The following CPAMD8 variants were observed in gnomAD, a reference collection of about 807,000 sequenced individuals.
CPAMD8 encodes the protein C3 and PZP-like alpha-2-macroglobulin domain-containing protein 8.
CPAMD8 carries 146 observed loss-of-function variants against 224.7 expected under a neutral mutation model. That is an observed-to-expected ratio of 0.65 (90% CI 0.57 to 0.75). CPAMD8 has a LOEUF of 0.75. CPAMD8 is among the 30% of genes least tolerant of loss of function. CPAMD8 has a pLI of 0.00. For missense variants in CPAMD8, 2,301 were observed against 2,537.5 expected (o/e 0.91, Z 2.00); for synonymous variants, 966 against 1,044.6 (o/e 0.92, Z 1.45).
chr19:16,935,185 C>T (rs749763357), intron 23 of CPAMD8, among the ~76,000 whole-genome samples: 1 of 152,200 alleles, frequency 6.6e-6, no homozygotes, highest in Non-Finnish European at 1.5e-5. Flanking sequence ...GTTTCCCCCT[C>T]TCCCCATGGT....
intron 12 of CPAMD8, 48 bp from the exon 13 acceptor site, chr19:16,989,819 A>C (rs2055876630): frequency 1.3e-6 from 2 of 1,591,552 alleles, no homozygotes; most frequent in African/African-American, 1.3e-5. Context: ...CAAGAGCAGA[A>C]AGGGGGTCTT....
In CPAMD8 at chr19:16,899,549, G is replaced by A; in HGVS notation, c.4774C>T (p.Leu1592=). 6.6e-7 allele frequency: 1 copy of A among 1,507,302 alleles called. No individual in the cohort carries two copies. The highest frequency in any genetic ancestry group is 2.3e-5 in the East Asian group (1 of 44,378). The allele number at this position is 1,507,302 out of a possible 1,614,324, so 93.4% of individuals were successfully genotyped here. The part of the protein sequence containing the change: ...FRADIESLEQ[L]LLDKHMGMKR... ...ATCCCCATGTGCTTGTCAAGGAGCAGCTGCAGAGGAAGCCAGAAGTCAGGG... is the reference window on the plus strand; with the variant it reads ...ATCCCCATGTGCTTGTCAAGGAGCAACTGCAGAGGAAGCCAGAAGTCAGGG... Residue 1592 remains leucine, a splice_region_variant and synonymous_variant, in exon 37 of 42, where the codon CTG becomes TTG. Transcript: ENST00000443236. This position sits in a 1 kb window ranked among gnomAD's most constrained non-coding sequence, Gnocchi z 5.4.
chr19:16,982,963 T>C (rs1312219319), intron 13 of CPAMD8, among the ~76,000 whole-genome samples: 1 of 152,090 alleles, frequency 6.6e-6, no homozygotes, highest in Non-Finnish European at 1.5e-5. Flanking sequence ...AGAGAATGAG[T>C]CTCGTGAGAT....
chr19:16,904,302 T>A lies in CPAMD8; in HGVS notation c.4175A>T (p.Asp1392Val). 1 of 1,613,562 alleles carries A rather than the reference T, an allele frequency of 6.2e-7. No individual in the cohort carries two copies. The highest frequency in any genetic ancestry group is 8.5e-7 in the Non-Finnish European group (1 of 1,179,984). Reference protein sequence around the residue: ...YALLTYTLLGDVAAALPVVKW... With the variant: ...YALLTYTLLGVVAAALPVVKW... ...CACCACAGGCAGGGCGGCAGCCACG[T>A]CACCCAGCAGAGTGTAGGTCAGAAG... The change falls in exon 32 of 42, where the codon GAC becomes GTC. Residue 1392 changes from aspartate (D) to valine (V), a missense_variant. By Grantham distance (152) the Asp-to-Val change is radical (BLOSUM62 -3). Coordinates refer to ENST00000443236, the MANE Select transcript of CPAMD8 (RefSeq NM_015692.5).
chr19:16,946,548 T>C (rs189491091), intron 21 of CPAMD8, among the ~76,000 whole-genome samples: 109 of 144,630 alleles, frequency 7.5e-4, no homozygotes, highest in Non-Finnish European at 1.4e-3. Flanking sequence ...TCTACACATG[T>C]GGGCGTGTGT....
At chr19:16,975,569 G>A (rs537424756) in intron 16 of CPAMD8, among the ~76,000 whole-genome samples, 7 of 152,224 alleles carry the variant, frequency 4.6e-5, no homozygotes, top group Admixed American at 6.5e-5. Context: ...TTAGCCAGGC[G>A]TGGTGGTGCA....
intron 7 of CPAMD8, among the ~76,000 whole-genome samples, chr19:17,005,371 G>A (rs1298830645): frequency 2.6e-5 from 4 of 151,970 alleles, no homozygotes; most frequent in Non-Finnish European, 5.9e-5. Context: ...GGGCAGAATC[G>A]CCTGTCCGAC....
chr19:16,912,409 TCA>T (rs1177116311), intron 29 of CPAMD8, among the ~76,000 whole-genome samples: 1 of 152,118 alleles, frequency 6.6e-6, no homozygotes, highest in East Asian at 1.9e-4. Context: ...TGAAGTGACC[TCA>T]AGGGATAGGA....
intron 13 of CPAMD8, among the ~76,000 whole-genome samples, chr19:16,981,111 G>C (rs112289427): frequency 0.075 from 11,300 of 151,016 alleles, 835 homozygotes; most frequent in African/African-American, 0.16. Flanking sequence ...CCAGCACTTT[G>C]GGGGGCTGAA....
At chr19:16,981,045 C>T (rs2055495863) in intron 13 of CPAMD8, among the ~76,000 whole-genome samples, 1 of 136,288 alleles carries the variant, frequency 7.3e-6, no homozygotes, top group African/African-American at 3.3e-5. Context: ...GTTGGCCAGG[C>T]TGGTCTCGAA....
intron 20 of CPAMD8, among the ~76,000 whole-genome samples, chr19:16,950,084 G>A (rs1185712480): frequency 6.6e-6 from 1 of 152,026 alleles, no homozygotes; most frequent in African/African-American, 2.4e-5. Flanking sequence ...GATGGCTTAA[G>A]GTCAGGAGTT....
rs370773533 is a variant in CPAMD8, at chr19:16,893,306, G to T, written c.5460C>A (p.Ser1820Arg). The change falls in exon 42 of 42, where the codon AGC becomes AGA. Residue 1820 changes from serine (S) to arginine (R), a missense_variant. Physicochemically the swap from Ser to Arg is moderately radical, Grantham distance 110 (BLOSUM62 -1). Coordinates refer to ENST00000443236, the MANE Select transcript of CPAMD8 (RefSeq NM_015692.5). ...VTAGPRPPVS[S>R]GNLESSTQSA... The stretch of plus-strand genomic sequence containing the variant: ...TCTGGGTGCTGCTTTCCAGGTTCCC[G>T]CTGCTCACAGGAGGCCGAGGCCCGG... 1 of 1,548,790 alleles carries T rather than the reference G, an allele frequency of 6.5e-7. No individual in the cohort carries two copies. Among genetic ancestry groups the T allele is most frequent in the South Asian group, 1.2e-5 (1 of 84,744 alleles).
At position 16,952,048 on chromosome 19, in the gene CPAMD8, A is replaced by G. The variant is rs1463459214; in HGVS notation, c.2429T>C (p.Met810Thr). 2 of 1,579,586 alleles carry G rather than the reference A, an allele frequency of 1.3e-6. No homozygotes were observed. Among genetic ancestry groups the G allele is most frequent in the East Asian group, 2.3e-5 (1 of 43,452 alleles). The change falls in exon 20 of 42, where the codon ATG (methionine) becomes ACG (threonine). Residue 810 changes from methionine to threonine, a missense_variant. Around this residue, in one of 4 missense-constraint regions of CPAMD8, gnomAD observed 1,709 missense variants for 1,753.2 expected, o/e 0.97. Transcript: ENST00000443236. ...KTFKPFFVDF[M>T]LPALIIRGEQ... Reference sequence around the variant, plus strand: ...CCCACGGATGATGAGAGCGGGGAGCATGAAGTCCACGAAGAAGGGCTTGAA... The same window carrying G: ...CCCACGGATGATGAGAGCGGGGAGCGTGAAGTCCACGAAGAAGGGCTTGAA...
intron 23 of CPAMD8, among the ~76,000 whole-genome samples, chr19:16,934,555 T>C (rs2053632139): frequency 6.6e-6 from 1 of 152,152 alleles, no homozygotes; most frequent in Non-Finnish European, 1.5e-5. Flanking sequence ...TCATAAAGAC[T>C]TTATACTAAC....
Position 16,906,342 on chromosome 19 carries a change from C to CTTTCTT in CPAMD8, c.4027+604_4027+609dup, listed in dbSNP as rs1377524618. Among the ~76,000 whole-genome samples, 42 of 24,140 alleles carry CTTTCTT rather than the reference C, an allele frequency of 1.7e-3. No homozygotes were observed. In the South Asian group the frequency reaches 0.027, roughly 16 times the overall value. 15.8% of individuals were successfully genotyped at this position (24,140 alleles called of 152,430 possible). On this transcript the variant is annotated intron_variant, in intron 30 of 41. Coordinates refer to ENST00000443236, the MANE Select transcript of CPAMD8 (RefSeq NM_015692.5). ...CCTCCTTCCTTCCTTCTTTCCCTTT[C>CTTTCTT]TTTCTTTCTTTCTTTCTTTCTTTCT...
intron 7 of CPAMD8, among the ~76,000 whole-genome samples, chr19:17,007,883 GC>G (rs1182455763): frequency 1.3e-5 from 2 of 152,222 alleles, no homozygotes; most frequent in African/African-American, 4.8e-5. Flanking sequence ...GAAGCTGGGA[GC>G]AGGCCGGGCG....
intron 3 of CPAMD8, among the ~76,000 whole-genome samples, chr19:17,014,002 C>T (rs1324209637): frequency 1.3e-5 from 1 of 76,316 alleles, no homozygotes; most frequent in African/African-American, 5.7e-5. Flanking sequence ...CACATTCCTT[C>T]CCTCCCTCCC....
rs372485212 is a variant in CPAMD8 at position 16,947,210 on chromosome 19, C to G, written c.2526G>C (p.Ser842=). The G allele has an allele frequency of 6.2e-7, 1 of 1,612,754 alleles. No homozygotes were observed. Among genetic ancestry groups the G allele is most frequent in the South Asian group, 1.1e-5 (1 of 90,838 alleles). ...CAACAAACTGGATGCCCTTGGGAAC[C>G]GAGAGCTTCATGTACACCTGCAGAG... ...GTCAEVYMKL[S]VPKGIQFVGH... The change falls in exon 21 of 42, where the codon TCG becomes TCC. Residue 842 remains serine, a synonymous_variant. Transcript: ENST00000443236.
At chr19:16,990,013 A>G (rs1236213009) in intron 12 of CPAMD8, among the ~76,000 whole-genome samples, 2 of 152,200 alleles carry the variant, frequency 1.3e-5, no homozygotes, top group African/African-American at 4.8e-5. Flanking sequence ...GCACTTCGGG[A>G]GGCCGAGGCA....
Sources: allele counts gnomAD v4.1 joint callset (sites outside exome capture counted in the v4.1 genomes callset), GRCh38; gene constraint gnomAD v4.1.1; regional missense constraint gnomAD v4.1.1; non-coding constraint Gnocchi (gnomAD v3.1); transcripts MANE v1.5; gene names NCBI Gene and HGNC (gene_info 2026-07-23, HGNC 2026-07-21).